Variants in ATP2C2 observed in about 807,000 individuals in gnomAD.
ATP2C2 encodes the protein ATPase secretory pathway Ca2+ transporting 2, also known as calcium-transporting ATPase type 2C member 2.
Under a neutral mutation model 110.8 loss-of-function variants are expected in ATP2C2, and 171 were observed. That is an observed-to-expected ratio of 1.54 (90% CI 1.36 to 1.75). The LOEUF is 1.75. ATP2C2 is among the 40% of genes most tolerant of loss of function. The pLI, the probability that ATP2C2 is intolerant of heterozygous loss-of-function variation, is 0.00. For missense variants in ATP2C2, 1,963 were observed against 1,235.0 expected (o/e 1.59, Z -8.84); for synonymous variants, 804 against 508.4 (o/e 1.58, Z -7.82).
At chr16:84,375,344 C>T (rs1415081168) in intron 1 of ATP2C2, among the ~76,000 whole-genome samples, 1 of 152,136 alleles carries the variant, frequency 6.6e-6, no homozygotes, top group Non-Finnish European at 1.5e-5. Context: ...GAGTTCGAGA[C>T]CAGCCTGACC....
intron 11 of ATP2C2, among the ~76,000 whole-genome samples, chr16:84,433,073 G>A (rs1908421483): frequency 6.6e-6 from 1 of 152,128 alleles, no homozygotes; most frequent in African/African-American, 2.4e-5. Flanking sequence ...TCAGAAGACA[G>A]AATGCTTAAA....
At chr16:84,424,054 A>T (rs1295893268) in intron 10 of ATP2C2, among the ~76,000 whole-genome samples, 1 of 152,176 alleles carries the variant, frequency 6.6e-6, no homozygotes, top group Admixed American at 6.5e-5. Flanking sequence ...CCCCTAATAG[A>T]TTCTCAGTAA....
chr16:84,383,220 T>C (rs990743205), intron 1 of ATP2C2, among the ~76,000 whole-genome samples: 7 of 152,154 alleles, frequency 4.6e-5, no homozygotes, highest in East Asian at 1.9e-4. Flanking sequence ...TGTGAATCAG[T>C]GCCAGGGAGG....
chr16:84,369,959 T>G (rs1157380209), intron 1 of ATP2C2, among the ~76,000 whole-genome samples: 1 of 152,262 alleles, frequency 6.6e-6, no homozygotes, highest in Non-Finnish European at 1.5e-5. Context: ...TCTCTGCTTC[T>G]GCGATACATT....
intron 1 of ATP2C2, among the ~76,000 whole-genome samples, chr16:84,390,220 G>A (rs1355408250): frequency 1.3e-5 from 2 of 152,198 alleles, no homozygotes; most frequent in African/African-American, 2.4e-5. Context: ...ACCGAATCCC[G>A]GGGCTGGACG....
rs143235600 is a variant in ATP2C2, at chr16:84,433,463, G to C, written c.987-5703G>C. ...AGTTCAGGAGTTTGAGACCAGCCTG[G>C]CCAAAACAGTGAAACCTCGTCTCTA... On this transcript the variant is annotated intron_variant, in intron 11 of 26. Coordinates refer to ENST00000262429, the MANE Select transcript of ATP2C2 (RefSeq NM_014861.4). Among the ~76,000 whole-genome samples the C allele has an allele frequency of 5.8e-3, 886 of 151,990 alleles. 9 individuals carry two copies. Among genetic ancestry groups the C allele is most frequent in the African/African-American group, 0.02 (833 of 41,432 alleles).
At position 84,429,515 on chromosome 16, in the gene ATP2C2, G is replaced by A. The variant is rs190341278; in HGVS notation, c.986+3714G>A. ...TACTGTGTATAGCACGTGACTGCGT[G>A]ATCTGTTCGTATCACTTTCATTGAA... is the stretch of plus-strand genomic sequence containing the variant. On this transcript the variant is annotated intron_variant, in intron 11 of 26. Coordinates refer to ENST00000262429, the MANE Select transcript of ATP2C2 (RefSeq NM_014861.4). Among the ~76,000 whole-genome samples the A allele has an allele frequency of 5.6e-4, 85 of 152,286 alleles. 1 individual carries two copies. Among genetic ancestry groups the A allele is most frequent in the Middle Eastern group, 6.8e-3 (2 of 294 alleles).
At chr16:84,460,373 A>G in intron 23 of ATP2C2, 1 of 491,932 alleles carries the variant, frequency 2.0e-6, no homozygotes, top group South Asian at 2.2e-5. Flanking sequence ...GGGGTGATGG[A>G]GATCATCTGG....
intron 26 of ATP2C2, 74 bp from the exon 27 acceptor site, chr16:84,463,540 C>G (rs1016688739): frequency 1.6e-6 from 2 of 1,266,054 alleles, no homozygotes; most frequent in African/African-American, 2.9e-5. Flanking sequence ...GGAGGACTGG[C>G]AGGGAAGGCG....
At chr16:84,371,262 A>G (rs933969769) in intron 1 of ATP2C2, among the ~76,000 whole-genome samples, 1 of 152,202 alleles carries the variant, frequency 6.6e-6, no homozygotes, top group African/African-American at 2.4e-5. Flanking sequence ...CATGCCTGTC[A>G]TCCCCACACT....
intron 2 of ATP2C2, among the ~76,000 whole-genome samples, chr16:84,402,385 C>A (rs1307968465): frequency 6.6e-6 from 1 of 152,156 alleles, no homozygotes; most frequent in Non-Finnish European, 1.5e-5. Context: ...AAGTGGGTAT[C>A]CTACGGGAAA....
rs114880653 is a variant in ATP2C2, at chr16:84,409,606, C to T, written c.418-962C>T. ...CTCAGTACAACCTCTGCTTCTCCTG[C>T]CTCAGCCTTCTGAGCAGCTGGGATT... On this transcript the variant is annotated intron_variant, in intron 4 of 26. Transcript: ENST00000262429. 9.9e-3 allele frequency among the ~76,000 whole-genome samples: 1,513 copies of T among 152,246 alleles called. 37 individuals carry two copies. The highest frequency in any genetic ancestry group is 0.035 in the African/African-American group (1,437 of 41,544).
intron 14 of ATP2C2, among the ~76,000 whole-genome samples, chr16:84,441,340 G>A (rs1204582787): frequency 6.6e-6 from 1 of 152,186 alleles, no homozygotes; most frequent in African/African-American, 2.4e-5. Context: ...CCACTGGGAA[G>A]GCTCTAAGGA....
intron 7 of ATP2C2, among the ~76,000 whole-genome samples, chr16:84,417,881 G>T (rs1371061283): frequency 6.6e-6 from 1 of 152,206 alleles, no homozygotes; most frequent in Admixed American, 6.5e-5. Flanking sequence ...CAGCTATTAA[G>T]CTCTGAGATC....
At chr16:84,369,786 A>T (rs538108594) in intron 1 of ATP2C2, among the ~76,000 whole-genome samples, 170 of 152,326 alleles carry the variant, frequency 1.1e-3, no homozygotes, top group African/African-American at 3.9e-3. Context: ...GTGCTTTTTT[A>T]AAAATAGTGT....
At chr16:84,449,179 A>C (rs1275544085) in intron 17 of ATP2C2, among the ~76,000 whole-genome samples, 6 of 152,246 alleles carry the variant, frequency 3.9e-5, no homozygotes, top group African/African-American at 1.4e-4. Context: ...AGCGTTTAGA[A>C]GTGCTCCTGA....
chr16:84,402,542 G>T (rs909740242), intron 2 of ATP2C2, among the ~76,000 whole-genome samples: 5 of 152,164 alleles, frequency 3.3e-5, no homozygotes, highest in African/African-American at 1.2e-4. Flanking sequence ...CGTTTTTTCA[G>T]CATTAATTGA....
intron 11 of ATP2C2, among the ~76,000 whole-genome samples, chr16:84,431,430 A>G (rs1056598741): frequency 1.3e-5 from 2 of 152,084 alleles, no homozygotes; most frequent in African/African-American, 4.8e-5. Flanking sequence ...TGGGAGGCAG[A>G]GGTTGCAGTG....
chr16:84,445,991 G>T (rs779248750), intron 15 of ATP2C2, among the ~76,000 whole-genome samples: 2 of 152,244 alleles, frequency 1.3e-5, no homozygotes, highest in Non-Finnish European at 2.9e-5. Context: ...ACGCAGGGCT[G>T]TCTCACTGAC....
Sources: gnomAD v4.1 joint callset for allele counts (sites outside exome capture counted in the v4.1 genomes callset) on GRCh38, gnomAD v4.1.1 for gene constraint, MANE v1.5 for transcripts, NCBI Gene and HGNC (gene_info 2026-07-23, HGNC 2026-07-21) for gene names.